Variants in DNER observed in about 807,000 individuals in gnomAD.
The protein encoded by DNER is delta/notch like EGF repeat containing, also known as delta and Notch-like epidermal growth factor-related receptor.
A neutral mutation model predicts 78.2 loss-of-function variants in DNER; 33 were observed. That is an observed-to-expected ratio of 0.42 (90% CI 0.32 to 0.56). The LOEUF (loss-of-function observed/expected upper bound fraction) is 0.56, where lower values mean the gene tolerates loss of function less well. DNER is among the 20% of genes least tolerant of loss of function. DNER has a pLI of 0.11. For missense variants in DNER, 918 were observed against 975.3 expected, an observed-to-expected ratio of 0.94 and a Z score of 0.78; for synonymous variants, 417 against 384.8, an observed-to-expected ratio of 1.08 and a Z score of -0.98.
At chr2:229,541,887 A>G (rs1274596925) in intron 5 of DNER, among the ~76,000 whole-genome samples, 1 of 147,314 alleles carries the variant, frequency 6.8e-6, no homozygotes, top group Non-Finnish European at 1.5e-5. Context: ...ATTTATTTAT[A>G]TGTATATATA....
intron 7 of DNER, among the ~76,000 whole-genome samples, chr2:229,466,881 G>A (rs547907143): frequency 6.6e-6 from 1 of 152,150 alleles, no homozygotes; most frequent in Non-Finnish European, 1.5e-5. Context: ...TTAATAAAGT[G>A]ACCTCAAAGA....
At chr2:229,480,217 C>T (rs1695126918) in intron 6 of DNER, among the ~76,000 whole-genome samples, 1 of 152,214 alleles carries the variant, frequency 6.6e-6, no homozygotes. Flanking sequence ...CATCACCCAG[C>T]TCCAACCATT....
intron 1 of DNER, among the ~76,000 whole-genome samples, chr2:229,605,231 G>T (rs1697911537): frequency 6.6e-6 from 1 of 152,178 alleles, no homozygotes; most frequent in African/African-American, 2.4e-5. Flanking sequence ...AACAAGGATG[G>T]TCACAACAGA....
chr2:229,615,792 G>A (rs1698148668), intron 1 of DNER, among the ~76,000 whole-genome samples: 1 of 104,976 alleles, frequency 9.5e-6, no homozygotes, highest in African/African-American at 3.3e-5. Context: ...GAGACTAGCG[G>A]CAAAAAAAAA....
At chr2:229,569,965 G>T (rs755626650) in intron 4 of DNER, among the ~76,000 whole-genome samples, 4 of 152,136 alleles carry the variant, frequency 2.6e-5, no homozygotes, top group Non-Finnish European at 5.9e-5. Flanking sequence ...ACGTTTCAGA[G>T]GGCCATAATT....
At chr2:229,496,986 A>C (rs528041819) in intron 6 of DNER, among the ~76,000 whole-genome samples, 53 of 152,280 alleles carry the variant, frequency 3.5e-4, no homozygotes, top group African/African-American at 1.0e-3. Context: ...TCCACCCAAC[A>C]GCAGCAGCAT....
rs571357530 is a variant in DNER, at chr2:229,595,175, CT to C, written c.277-3288del. Among the ~76,000 whole-genome samples the C allele has an allele frequency of 3.9e-5, 6 of 152,184 alleles. No homozygotes were observed. The South Asian group carries it at 1.2e-3, about 32-fold the overall frequency. On this transcript the variant is annotated intron_variant, in intron 1 of 12. Transcript: ENST00000341772. ...ATTTTAGTTCATCCTTACAGCAACC[CT>C]TTTGGTAAGTACATTTGTACATTTA...
intron 8 of DNER, among the ~76,000 whole-genome samples, chr2:229,435,808 C>A (rs1694109996): frequency 6.6e-6 from 1 of 152,128 alleles, no homozygotes; most frequent in African/African-American, 2.4e-5. Flanking sequence ...TCAGTCCAAC[C>A]AACTAAGGAC....
At chr2:229,425,919 G>A (rs1476332829) in intron 8 of DNER, among the ~76,000 whole-genome samples, 3 of 152,170 alleles carry the variant, frequency 2.0e-5, no homozygotes, top group African/African-American at 4.8e-5. Flanking sequence ...TGAATTCAAG[G>A]CAAGAGTGAA....
intron 1 of DNER, among the ~76,000 whole-genome samples, chr2:229,690,615 A>G (rs1051879718): frequency 1.1e-4 from 16 of 152,210 alleles, no homozygotes; most frequent in Non-Finnish European, 7.3e-5. Context: ...TCACTCAACA[A>G]ACACTAATAT....
At chr2:229,376,440 CT>C (rs1692603177) in intron 11 of DNER, among the ~76,000 whole-genome samples, 1 of 152,154 alleles carries the variant, frequency 6.6e-6, no homozygotes, top group Non-Finnish European at 1.5e-5. Flanking sequence ...CAATTACTTA[CT>C]GTAAGGTATT....
At chr2:229,584,582 C>A (rs996467641) in intron 4 of DNER, among the ~76,000 whole-genome samples, 1 of 152,218 alleles carries the variant, frequency 6.6e-6, no homozygotes, top group East Asian at 1.9e-4. Flanking sequence ...AAGCAAGAGG[C>A]AGTGGGTCGG....
intron 8 of DNER, among the ~76,000 whole-genome samples, chr2:229,435,738 C>G (rs1022160156): frequency 7.9e-5 from 12 of 152,144 alleles, no homozygotes; most frequent in Non-Finnish European, 1.8e-4. Flanking sequence ...GCATCAGAAA[C>G]CATCTGGTAG....
At chr2:229,702,542 T>G (rs2154217691) in intron 1 of DNER, among the ~76,000 whole-genome samples, 1 of 151,038 alleles carries the variant, frequency 6.6e-6, no homozygotes. Context: ...TCACCGAAAA[T>G]AATAATGATG....
intron 12 of DNER, among the ~76,000 whole-genome samples, chr2:229,364,645 C>A (rs1692299497): frequency 6.6e-6 from 1 of 152,124 alleles, no homozygotes; most frequent in Non-Finnish European, 1.5e-5. Flanking sequence ...TGCTCAGGGT[C>A]TCCCAAGTTC....
intron 1 of DNER, among the ~76,000 whole-genome samples, chr2:229,681,443 C>T (rs1246025717): frequency 1.3e-5 from 2 of 152,172 alleles, no homozygotes; most frequent in Non-Finnish European, 2.9e-5. Flanking sequence ...ACTTGTCAGA[C>T]ATGGTGTTAC....
intron 5 of DNER, among the ~76,000 whole-genome samples, chr2:229,524,600 G>C (rs1181254774): frequency 6.6e-6 from 1 of 152,182 alleles, no homozygotes; most frequent in African/African-American, 2.4e-5. Flanking sequence ...TGTATGCAGA[G>C]ATTAGAAATT....
Position 229,596,862 on chromosome 2 carries a change from G to T in DNER, c.277-4974C>A, listed in dbSNP as rs2154214799. 2.0e-5 allele frequency among the ~76,000 whole-genome samples: 3 copies of T among 148,976 alleles called. No individual in the cohort carries two copies. In the Middle Eastern group the frequency reaches 0.011, roughly 532 times the overall value. On this transcript the variant is annotated intron_variant, in intron 1 of 12. Transcript: ENST00000341772. ...AAAGCTAAAAATTAAACAGTCAGTT[G>T]CATAAATTTCTAAGGGGATTCAAAG...
At chr2:229,678,789 T>G (rs1195732144) in intron 1 of DNER, among the ~76,000 whole-genome samples, 11 of 152,230 alleles carry the variant, frequency 7.2e-5, no homozygotes, top group Non-Finnish European at 1.6e-4. Flanking sequence ...GACTTTCCTG[T>G]ATTTACAGGG....
Sources: allele counts gnomAD v4.1 joint callset (sites outside exome capture counted in the v4.1 genomes callset), GRCh38; gene constraint gnomAD v4.1.1; transcripts MANE v1.5; gene names NCBI Gene and HGNC (gene_info 2026-07-23, HGNC 2026-07-21).